Variants in LSAMP observed in about 807,000 individuals in gnomAD.
LSAMP encodes the protein limbic system-associated membrane protein.
Under a neutral mutation model 38.6 loss-of-function variants are expected in LSAMP, and 7 were observed. The observed-to-expected ratio is 0.18, with a 90% CI of 0.10 to 0.34. LSAMP has a LOEUF of 0.34. Among genes scored for constraint, LSAMP ranks in the 10% least tolerant of loss-of-function variants. LSAMP has a pLI of 1.00. For missense variants in LSAMP, 313 were observed against 420.0 expected, an observed-to-expected ratio of 0.75 and a Z score of 2.23; for synonymous variants, 154 against 166.8, an observed-to-expected ratio of 0.92 and a Z score of 0.59.
intron 1 of LSAMP, among the ~76,000 whole-genome samples, chr3:116,413,276 C>T (rs1377916085): frequency 1.3e-5 from 2 of 151,664 alleles, no homozygotes; most frequent in Non-Finnish European, 2.9e-5. Flanking sequence ...TTCTGTATTT[C>T]ATTAAAATAA....
intron 3 of LSAMP, among the ~76,000 whole-genome samples, chr3:115,888,113 A>T (rs1471035384): frequency 6.6e-6 from 1 of 151,890 alleles, no homozygotes; most frequent in Non-Finnish European, 1.5e-5. Context: ...CTCAAAATAC[A>T]TTTACTTGTG....
chr3:116,029,417 T>C (rs1342707991), intron 2 of LSAMP, among the ~76,000 whole-genome samples: 3 of 151,974 alleles, frequency 2.0e-5, no homozygotes, highest in Non-Finnish European at 4.4e-5. Context: ...AAGCTGAGGG[T>C]AGAAAAAACT....
chr3:116,025,097 C>T (rs1273653832), intron 2 of LSAMP, among the ~76,000 whole-genome samples: 1 of 151,828 alleles, frequency 6.6e-6, no homozygotes, highest in Non-Finnish European at 1.5e-5. Flanking sequence ...TTCAAAATCA[C>T]TGTAATATTG....
At chr3:115,836,828 G>T (rs1165150589) in intron 6 of LSAMP, among the ~76,000 whole-genome samples, 1 of 152,218 alleles carries the variant, frequency 6.6e-6, no homozygotes, top group Admixed American at 6.5e-5. Context: ...TGTGACCCAG[G>T]TTAGAGTGCA....
intron 6 of LSAMP, among the ~76,000 whole-genome samples, chr3:115,826,956 CTTTTTTTTTT>C (rs67125824): frequency 7.5e-6 from 1 of 133,476 alleles, no homozygotes; most frequent in African/African-American, 2.7e-5. Context: ...ATCATTCCGT[CTTTTTTTTTT>C]TTTTTTTTTT....
intron 1 of LSAMP, among the ~76,000 whole-genome samples, chr3:116,414,947 G>T (rs2107845575): frequency 6.6e-6 from 1 of 152,096 alleles, no homozygotes; most frequent in Admixed American, 6.5e-5. Flanking sequence ...AGTGGAGCAT[G>T]CTCCCTTAGT....
chr3:116,043,118 G>A (rs890019125), intron 2 of LSAMP, among the ~76,000 whole-genome samples: 4 of 152,056 alleles, frequency 2.6e-5, no homozygotes, highest in Admixed American at 6.5e-5. Context: ...TCATTTGGAT[G>A]GAATTTACAT....
chr3:116,141,275 T>C (rs1156566121), intron 1 of LSAMP, among the ~76,000 whole-genome samples: 1 of 151,958 alleles, frequency 6.6e-6, no homozygotes, highest in Non-Finnish European at 1.5e-5. Context: ...CTCATACATC[T>C]GTGATCTACT....
At chr3:116,378,007 T>C (rs1032496949) in intron 1 of LSAMP, among the ~76,000 whole-genome samples, 4 of 152,052 alleles carry the variant, frequency 2.6e-5, no homozygotes, top group African/African-American at 7.2e-5. Flanking sequence ...AGCAGAGCCA[T>C]AGTCTGGCCT....
intron 1 of LSAMP, among the ~76,000 whole-genome samples, chr3:116,218,098 G>A (rs2046242143): frequency 6.6e-6 from 1 of 152,088 alleles, no homozygotes; most frequent in Admixed American, 6.5e-5. Context: ...AGGAATGAAA[G>A]ACAATTCCGA....
chr3:116,390,688 T>G (rs913199066), intron 1 of LSAMP, among the ~76,000 whole-genome samples: 1 of 136,766 alleles, frequency 7.3e-6, no homozygotes, highest in Non-Finnish European at 1.5e-5. Context: ...CACATGACAT[T>G]GACATTGCAC....
At position 115,810,307 on chromosome 3, in the gene LSAMP, T is replaced by A. The variant is rs1438240802; in HGVS notation, c.*10A>T. On this transcript the variant is annotated 3_prime_UTR_variant, in exon 7 of 7. Coordinates refer to ENST00000490035, the MANE Select transcript of LSAMP (RefSeq NM_002338.5). Reference sequence around the variant, plus strand: ...TGTGTTTTTTAAATTATTTTTAAATTTTTATTCTATTAACATTTGCTGAGA... The same window carrying A: ...TGTGTTTTTTAAATTATTTTTAAATATTTATTCTATTAACATTTGCTGAGA... The A allele has an allele frequency of 1.4e-5, 22 of 1,574,052 alleles. No individual in the cohort carries two copies. The highest frequency in any genetic ancestry group is 1.7e-5 in the Non-Finnish European group (20 of 1,156,374).
chr3:115,830,360 T>C (rs1043278653), intron 6 of LSAMP, among the ~76,000 whole-genome samples: 2 of 152,184 alleles, frequency 1.3e-5, no homozygotes, highest in African/African-American at 2.4e-5. Context: ...TAGATGAACA[T>C]TTAAAATCCA....
intron 1 of LSAMP, among the ~76,000 whole-genome samples, chr3:116,391,144 T>C (rs1009798374): frequency 3.9e-5 from 6 of 152,272 alleles, no homozygotes; most frequent in Admixed American, 3.9e-4. Flanking sequence ...ACTTCTGTAC[T>C]GATTTTTCCA....
chr3:116,033,055 A>G (rs1940964343), intron 2 of LSAMP, among the ~76,000 whole-genome samples: 2 of 152,266 alleles, frequency 1.3e-5, no homozygotes, highest in South Asian at 4.1e-4. Flanking sequence ...TTAAGGATTT[A>G]CTTTCTGATT....
intron 2 of LSAMP, among the ~76,000 whole-genome samples, chr3:116,065,961 G>C (rs1354580679): frequency 6.6e-5 from 10 of 152,122 alleles, no homozygotes; most frequent in African/African-American, 1.9e-4. Flanking sequence ...GTTTATATAA[G>C]GTTTATAGAT....
intron 2 of LSAMP, 61 bp downstream of exon 2, chr3:116,086,263 C>T (rs569284719): frequency 4.8e-6 from 6 of 1,249,666 alleles, no homozygotes; most frequent in Non-Finnish European, 1.2e-6. Context: ...ATATTTTGTA[C>T]ATTATTATTC....
At chr3:116,079,878 T>G (rs1349172241) in intron 2 of LSAMP, among the ~76,000 whole-genome samples, 1 of 152,096 alleles carries the variant, frequency 6.6e-6, no homozygotes, top group Non-Finnish European at 1.5e-5. Flanking sequence ...AAAATTGCCT[T>G]TAATATTTTT....
At chr3:115,960,840 C>T (rs1213989951) in intron 3 of LSAMP, among the ~76,000 whole-genome samples, 1 of 152,118 alleles carries the variant, frequency 6.6e-6, no homozygotes, top group Non-Finnish European at 1.5e-5. Flanking sequence ...AATTTTTTTC[C>T]CCATGGAGAA....
Sources: gnomAD v4.1 joint callset for allele counts (sites outside exome capture counted in the v4.1 genomes callset) on GRCh38, gnomAD v4.1.1 for gene constraint, MANE v1.5 for transcripts, NCBI Gene and HGNC (gene_info 2026-07-23, HGNC 2026-07-21) for gene names.